MGAT4C: variants seen among roughly 807,000 people sequenced by gnomAD.
MGAT4C encodes MGAT4 family member C.
MGAT4C carries 19 observed loss-of-function variants against 40.1 expected under a neutral mutation model. The observed-to-expected ratio is 0.47, with a 90% CI of 0.33 to 0.70. The LOEUF is 0.70. Among genes scored for constraint, MGAT4C ranks in the 30% least tolerant of loss-of-function variants. The pLI is 0.02. For synonymous variants in MGAT4C, 181 were observed against 187.1 expected (o/e 0.97, Z 0.27); for missense variants, 491 against 563.2 (o/e 0.87, Z 1.30).
rs187525864 is a variant in MGAT4C at position 86,008,445 on chromosome 12, G to C, written c.-6-18893C>G. The stretch of plus-strand genomic sequence containing the variant: ...AGTGCTTTCTGTAAACATGTTTTCT[G>C]CTACTACATAGAAATTCAATTTATT... On this transcript the variant is annotated intron_variant, in intron 2 of 4. Transcript: ENST00000611864. 2.8e-4 allele frequency among the ~76,000 whole-genome samples: 43 copies of C among 151,860 alleles called. No homozygotes were observed. In the East Asian group the frequency reaches 7.2e-3, roughly 25 times the overall value.
At chr12:86,438,423 G>A (rs1957173156) in intron 2 of MGAT4C, among the ~76,000 whole-genome samples, 1 of 151,918 alleles carries the variant, frequency 6.6e-6, no homozygotes, top group Non-Finnish European at 1.5e-5. Context: ...AAACAGCAAG[G>A]GTTGATGCAG....
intron 2 of MGAT4C, among the ~76,000 whole-genome samples, chr12:86,704,315 C>A (rs1439628253): frequency 8.6e-5 from 13 of 151,896 alleles, no homozygotes; most frequent in African/African-American, 2.9e-4. Flanking sequence ...AGAAACTGTC[C>A]TCTCTGGCTT....
intron 1 of MGAT4C, among the ~76,000 whole-genome samples, chr12:86,052,940 G>C (rs1360873957): frequency 6.6e-6 from 1 of 151,942 alleles, no homozygotes; most frequent in African/African-American, 2.4e-5. Context: ...TCTATAAGCT[G>C]AGTGGTGAAA....
At chr12:86,600,859 G>C (rs1961744759) in intron 2 of MGAT4C, among the ~76,000 whole-genome samples, 1 of 152,202 alleles carries the variant, frequency 6.6e-6, no homozygotes, top group Non-Finnish European at 1.5e-5. Context: ...GAAAGCCCCC[G>C]CCTCCACAGG....
chr12:86,528,039 T>C (rs1044308931), intron 2 of MGAT4C, among the ~76,000 whole-genome samples: 2 of 152,162 alleles, frequency 1.3e-5, no homozygotes, highest in Non-Finnish European at 2.9e-5. Context: ...AAAAAGTATA[T>C]ATCTTATCAT....
At chr12:86,159,898 T>G (rs950808227) in intron 1 of MGAT4C, among the ~76,000 whole-genome samples, 3 of 152,102 alleles carry the variant, frequency 2.0e-5, no homozygotes, top group African/African-American at 4.8e-5. Flanking sequence ...CTTTGTCATT[T>G]CTGATCGGGC....
intron 1 of MGAT4C, among the ~76,000 whole-genome samples, chr12:86,175,877 A>C (rs1887373365): frequency 6.6e-6 from 1 of 151,780 alleles, no homozygotes; most frequent in Non-Finnish European, 1.5e-5. Flanking sequence ...AGGCTGAGAA[A>C]GGAGAATGGC....
chr12:86,210,252 A>G (rs528871308), intron 1 of MGAT4C, among the ~76,000 whole-genome samples: 1 of 152,342 alleles, frequency 6.6e-6, no homozygotes, highest in South Asian at 2.1e-4. Context: ...AATTATAAAT[A>G]AAGCCATTTA....
chr12:86,095,275 C>T (rs918201098), intron 1 of MGAT4C, among the ~76,000 whole-genome samples: 1 of 152,008 alleles, frequency 6.6e-6, no homozygotes, highest in Non-Finnish European at 1.5e-5. Flanking sequence ...AAATGCCCTA[C>T]TTTAAAGTAT....
chr12:86,406,174 T>C (rs1956469440), intron 3 of MGAT4C, among the ~76,000 whole-genome samples: 1 of 150,534 alleles, frequency 6.6e-6, no homozygotes, highest in African/African-American at 2.4e-5. Flanking sequence ...GTAAAAATAT[T>C]TAGCATCTAG....
chr12:86,424,026 C>A (rs1260793696), intron 3 of MGAT4C, among the ~76,000 whole-genome samples: 1 of 152,084 alleles, frequency 6.6e-6, no homozygotes, highest in Non-Finnish European at 1.5e-5. Flanking sequence ...AAATCACACA[C>A]AAGAAAGGCC....
intron 4 of MGAT4C, among the ~76,000 whole-genome samples, chr12:86,312,402 G>T (rs1360335358): frequency 1.3e-5 from 2 of 152,304 alleles, no homozygotes; most frequent in East Asian, 3.9e-4. Context: ...ACAGCTGCTT[G>T]CTCACTTTAG....
chr12:86,156,479 G>A (rs748523552), intron 1 of MGAT4C, among the ~76,000 whole-genome samples: 4 of 151,972 alleles, frequency 2.6e-5, no homozygotes, highest in African/African-American at 4.8e-5. Context: ...GCACCACCAC[G>A]CCTGGCTAAT....
At chr12:86,526,833 C>T (rs1168629429) in intron 2 of MGAT4C, among the ~76,000 whole-genome samples, 1 of 152,192 alleles carries the variant, frequency 6.6e-6, no homozygotes, top group African/African-American at 2.4e-5. Flanking sequence ...AAGCAGCTCT[C>T]CCTGCCAACT....
At chr12:86,023,992 G>A (rs925479386) in intron 2 of MGAT4C, among the ~76,000 whole-genome samples, 4 of 151,500 alleles carry the variant, frequency 2.6e-5, no homozygotes, top group Non-Finnish European at 5.9e-5. Flanking sequence ...GTTCTTATAT[G>A]TTTAATATGT....
intron 2 of MGAT4C, among the ~76,000 whole-genome samples, chr12:86,589,686 C>T (rs1176622501): frequency 6.6e-6 from 1 of 151,974 alleles, no homozygotes; most frequent in Non-Finnish European, 1.5e-5. Context: ...TCCAGCAGCA[C>T]ATCAAAAAGC....
intron 1 of MGAT4C, among the ~76,000 whole-genome samples, chr12:86,124,663 T>C (rs1879966063): frequency 6.6e-6 from 1 of 152,060 alleles, no homozygotes; most frequent in Non-Finnish European, 1.5e-5. Flanking sequence ...GAGGTCTCTG[T>C]GGTCTTATAC....
chr12:86,736,347 C>A lies in MGAT4C; in HGVS notation c.-261-9106G>T, dbSNP rs1950985710. ...ACCCAGCTCCAAGAATCTTTTGAAG[C>A]CACTGAAACCTTACCACTTTTCTTT... On this transcript the variant is annotated intron_variant, in intron 1 of 7. Transcript: ENST00000548651. Among the ~76,000 whole-genome samples, 3 of 151,920 alleles carry A rather than the reference C, an allele frequency of 2.0e-5. No individual in the cohort carries two copies. The South Asian group carries it at 6.2e-4, about 31-fold the overall frequency.
intron 3 of MGAT4C, among the ~76,000 whole-genome samples, chr12:86,352,872 T>TG (rs138346371): frequency 2.5e-5 from 2 of 79,434 alleles, no homozygotes; most frequent in African/African-American, 5.3e-5. Flanking sequence ...TGTTGTTGGG[T>TG]GGGGGAAGGG....
Sources: allele counts gnomAD v4.1 joint callset (sites outside exome capture counted in the v4.1 genomes callset), GRCh38; gene constraint gnomAD v4.1.1; transcripts MANE v1.5; gene names NCBI Gene and HGNC (gene_info 2026-07-23, HGNC 2026-07-21).